ELMO1: variants seen among roughly 807,000 people sequenced by gnomAD.
ELMO1 encodes engulfment and cell motility protein 1.
A neutral mutation model predicts 98.9 loss-of-function variants in ELMO1; 26 were observed. That is an observed-to-expected ratio of 0.26 (90% CI 0.19 to 0.36). ELMO1 has a LOEUF of 0.36. ELMO1 is among the 10% of genes least tolerant of loss of function. The probability of loss-of-function intolerance (pLI) is 1.00; values close to 1 mark genes in which losing one functional copy is unlikely to be tolerated. For missense variants in ELMO1, 627 were observed against 935.2 expected, an observed-to-expected ratio of 0.67 and a Z score of 4.30; for synonymous variants, 346 against 346.0, an observed-to-expected ratio of 1.00 and a Z score of 0.00.
chr7:37,125,163 G>A (rs1786410907), intron 14 of ELMO1, among the ~76,000 whole-genome samples: 1 of 152,110 alleles, frequency 6.6e-6, no homozygotes, highest in Non-Finnish European at 1.5e-5. Context: ...TTAAATGTTA[G>A]ACCTAAAACC....
intron 4 of ELMO1, among the ~76,000 whole-genome samples, chr7:37,311,286 A>G (rs946491142): frequency 6.6e-6 from 1 of 152,158 alleles, no homozygotes; most frequent in African/African-American, 2.4e-5. Flanking sequence ...ACAAGCATCC[A>G]TCAACCACTA....
intron 19 of ELMO1, among the ~76,000 whole-genome samples, chr7:36,873,981 T>C (rs1194381235): frequency 6.6e-6 from 1 of 152,014 alleles, no homozygotes; most frequent in East Asian, 1.9e-4. Context: ...TATGAGGAGG[T>C]ACAGGCTCAT....
intron 13 of ELMO1, among the ~76,000 whole-genome samples, chr7:37,137,790 G>A (rs1322672804): frequency 2.0e-5 from 3 of 152,092 alleles, no homozygotes; most frequent in Non-Finnish European, 4.4e-5. Context: ...ACCCACCTCG[G>A]CCTTCCAAAG....
chr7:37,358,220 C>T (rs1033382667), intron 1 of ELMO1, among the ~76,000 whole-genome samples: 1 of 152,154 alleles, frequency 6.6e-6, no homozygotes, highest in Non-Finnish European at 1.5e-5. Flanking sequence ...TTTCATACTT[C>T]TGAAAATTTA....
intron 13 of ELMO1, among the ~76,000 whole-genome samples, chr7:37,178,097 G>A (rs1430637915): frequency 1.3e-5 from 2 of 151,928 alleles, no homozygotes; most frequent in Non-Finnish European, 2.9e-5. Context: ...GGAGGGATTA[G>A]CAGTATGTTA....
intron 16 of ELMO1, among the ~76,000 whole-genome samples, chr7:36,963,558 TC>T (rs1294386468): frequency 1.3e-5 from 2 of 152,286 alleles, no homozygotes; most frequent in East Asian, 3.9e-4. Flanking sequence ...CTGCAGTTTT[TC>T]TTCGGGTGGA....
chr7:37,370,362 CCTT>C (rs1306046092), intron 1 of ELMO1, among the ~76,000 whole-genome samples: 1 of 152,088 alleles, frequency 6.6e-6, no homozygotes, highest in Non-Finnish European at 1.5e-5. Flanking sequence ...CCATCTGGTT[CCTT>C]CTTGAGTTTT....
At chr7:37,433,841 G>A (rs941330834) in intron 1 of ELMO1, among the ~76,000 whole-genome samples, 5 of 152,028 alleles carry the variant, frequency 3.3e-5, no homozygotes, top group African/African-American at 1.2e-4. Flanking sequence ...CTGCTGCAGG[G>A]GGCAAAATAA....
intron 15 of ELMO1, among the ~76,000 whole-genome samples, chr7:37,029,195 TA>T (rs1176369221): frequency 2.0e-5 from 3 of 152,128 alleles, no homozygotes; most frequent in Non-Finnish European, 4.4e-5. Context: ...GCCCAGAAGC[TA>T]AATAAATACA....
intron 14 of ELMO1, among the ~76,000 whole-genome samples, chr7:37,126,328 T>C (rs1409542764): frequency 7.2e-6 from 1 of 138,736 alleles, no homozygotes; most frequent in Non-Finnish European, 1.5e-5. Context: ...TATATATATA[T>C]AAAAGAAAAG....
At chr7:36,914,196 C>T (rs924801381) in intron 16 of ELMO1, among the ~76,000 whole-genome samples, 2 of 152,226 alleles carry the variant, frequency 1.3e-5, no homozygotes, top group South Asian at 4.1e-4. Context: ...CTCCTTGATA[C>T]TGACCTGAGT....
intron 16 of ELMO1, among the ~76,000 whole-genome samples, chr7:36,923,658 T>C (rs974283700): frequency 6.6e-6 from 1 of 152,214 alleles, no homozygotes; most frequent in Non-Finnish European, 1.5e-5. Flanking sequence ...ATAAGGATCA[T>C]GCCTTAATCC....
intron 13 of ELMO1, among the ~76,000 whole-genome samples, chr7:37,194,918 G>T (rs539529687): frequency 6.6e-6 from 1 of 151,096 alleles, no homozygotes; most frequent in African/African-American, 2.5e-5. Flanking sequence ...ATCCTTAATT[G>T]ATCTATTCAT....
At chr7:36,944,034 AG>A (rs1787272117) in intron 16 of ELMO1, among the ~76,000 whole-genome samples, 1 of 152,354 alleles carries the variant, frequency 6.6e-6, no homozygotes, top group Admixed American at 6.5e-5. Context: ...GGAGTACCAC[AG>A]GTGGGGCATC....
intron 13 of ELMO1, 48 bp downstream of exon 13, chr7:37,211,338 G>A (rs1473965737): frequency 6.2e-7 from 1 of 1,612,936 alleles, no homozygotes; most frequent in South Asian, 1.1e-5. Context: ...CTGAGGTCAG[G>A]CCCGGGGAGG....
intron 1 of ELMO1, among the ~76,000 whole-genome samples, chr7:37,412,535 G>A (rs1254059884): frequency 2.0e-5 from 3 of 152,128 alleles, no homozygotes; most frequent in Non-Finnish European, 4.4e-5. Context: ...TAAACACTGT[G>A]CAGACACAAC....
chr7:37,098,880 G>A (rs893396490), intron 14 of ELMO1, among the ~76,000 whole-genome samples: 1 of 152,182 alleles, frequency 6.6e-6, no homozygotes, highest in African/African-American at 2.4e-5. Context: ...ATAAAGAGAA[G>A]ACAGAAGACA....
intron 1 of ELMO1, among the ~76,000 whole-genome samples, chr7:37,398,787 T>G (rs2131449296): frequency 6.6e-6 from 1 of 152,224 alleles, no homozygotes; most frequent in African/African-American, 2.4e-5. Context: ...CTAGACTCAG[T>G]CCCCTGCTGG....
At chr7:36,937,386 T>A (rs1219531822) in intron 16 of ELMO1, among the ~76,000 whole-genome samples, 1 of 152,168 alleles carries the variant, frequency 6.6e-6, no homozygotes, top group Non-Finnish European at 1.5e-5. Flanking sequence ...TGGCCAGCAA[T>A]TCAACAGAAA....
Sources: gnomAD v4.1 joint callset for allele counts (sites outside exome capture counted in the v4.1 genomes callset) on GRCh38, gnomAD v4.1.1 for gene constraint, MANE v1.5 for transcripts, NCBI Gene and HGNC (gene_info 2026-07-23, HGNC 2026-07-21) for gene names.